SYCP1: variants seen among roughly 807,000 people sequenced by gnomAD.
SYCP1 encodes cancer/testis antigen 8.
A neutral mutation model predicts 153.1 loss-of-function variants in SYCP1; 64 were observed. The observed-to-expected ratio is 0.42, with a 90% CI of 0.34 to 0.51. The LOEUF (loss-of-function observed/expected upper bound fraction) is 0.51, where lower values mean the gene tolerates loss of function less well. Among genes scored for constraint, SYCP1 ranks in the 20% least tolerant of loss-of-function variants. The pLI is 0.06. For missense variants in SYCP1, 997 were observed against 1,049.0 expected, an observed-to-expected ratio of 0.95 and a Z score of 0.68; for synonymous variants, 384 against 341.8, an observed-to-expected ratio of 1.12 and a Z score of -1.36.
Position 114,857,136 on chromosome 1 carries a change from C to CAAAAAAAAAAAAAAAAAAAAA in SYCP1, c.194-95_194-75dup, listed in dbSNP as rs71582509. ...ATAGTGCCAGATGTCCTCTCTCTCT[C>CAAAAAAAAAAAAAAAAAAAAA]AAAAAAAAAAAAAAAAAAAAAGAGA... On this transcript the variant is annotated intron_variant, in intron 3 of 31. Transcript: ENST00000369522. 7.0e-4 allele frequency: 171 copies of CAAAAAAAAAAAAAAAAAAAAA among 245,178 alleles called. 3 individuals are homozygous for CAAAAAAAAAAAAAAAAAAAAA. Among genetic ancestry groups the CAAAAAAAAAAAAAAAAAAAAA allele is most frequent in the African/African-American group, 1.2e-3 (20 of 16,850 alleles). The allele number at this position is 245,178 out of a possible 1,614,324, so 15.2% of individuals were successfully genotyped here. A position where few individuals can be genotyped will look rare whatever the true frequency, so the allele number is the denominator to read the frequency against.
intron 29 of SYCP1, among the ~76,000 whole-genome samples, chr1:114,983,351 C>T (rs999151435): frequency 6.6e-6 from 1 of 151,952 alleles, no homozygotes; most frequent in Admixed American, 6.6e-5. Flanking sequence ...TTCATCACTG[C>T]TTCACGTTGC....
At position 114,881,653 on chromosome 1, in the gene SYCP1, C is replaced by T. The variant is rs141152320; in HGVS notation, c.910+3451C>T. On this transcript the variant is annotated intron_variant, in intron 12 of 31. Coordinates refer to ENST00000369522, the MANE Select transcript of SYCP1 (RefSeq NM_003176.4). ...GAGTAGCTGGGATACAGGCAGATGC[C>T]ACCACACCTGGCTAATTTTAACATT... Among the ~76,000 whole-genome samples the T allele has an allele frequency of 2.5e-3, 387 of 152,122 alleles. 2 individuals carry two copies. The highest frequency in any genetic ancestry group is 9.0e-3 in the African/African-American group (375 of 41,478).
chr1:114,926,865 G>A (rs1283402202), intron 23 of SYCP1, among the ~76,000 whole-genome samples: 3 of 152,056 alleles, frequency 2.0e-5, no homozygotes, highest in Non-Finnish European at 4.4e-5. Context: ...ATTAAAAAGT[G>A]AAATTGAGTA....
Position 114,856,562 on chromosome 1 carries a change from T to C in SYCP1, c.109-11T>C, listed in dbSNP as rs767683170. Reference sequence around the variant, plus strand: ...GAAACAGAATATTTAAGAACTTCTTTGTGTCTCTAGAGTTTCAACAAATGT... The same window carrying C: ...GAAACAGAATATTTAAGAACTTCTTCGTGTCTCTAGAGTTTCAACAAATGT... On this transcript the variant is annotated splice_polypyrimidine_tract_variant and intron_variant, in intron 2 of 31. Transcript: ENST00000369522. The C allele has an allele frequency of 4.4e-6, 7 of 1,599,196 alleles. No individual in the cohort carries two copies. In the East Asian group the frequency reaches 1.1e-4, roughly 26 times the overall value.
intron 8 of SYCP1, among the ~76,000 whole-genome samples, chr1:114,872,245 G>A (rs966109670): frequency 6.6e-6 from 1 of 151,868 alleles, no homozygotes; most frequent in Admixed American, 6.6e-5. Context: ...AGGTCTGCTG[G>A]CAACACATTC....
chr1:114,928,420 C>A (rs1669398103), intron 23 of SYCP1, among the ~76,000 whole-genome samples: 1 of 152,032 alleles, frequency 6.6e-6, no homozygotes, highest in Non-Finnish European at 1.5e-5. Flanking sequence ...ACCATCAACC[C>A]AGAATTCTGT....
chr1:114,994,948 G>A lies in SYCP1; in HGVS notation c.2860G>A (p.Asp954Asn), dbSNP rs747292426. 3.1e-6 allele frequency: 5 copies of A among 1,609,002 alleles called. No homozygotes were observed. In the East Asian group the frequency reaches 8.9e-5, roughly 29 times the overall value. ...TGGAGCTATAAGAAAAATGCGGGAG[G>A]ACCGTTGGGCTGTAATTGCTAAAAT... ...KFGAIRKMRE[D>N]RWAVIAKMDR... The change falls in exon 32 of 32, where the codon GAC (aspartate) becomes AAC (asparagine). Residue 954 changes from aspartate (D) to asparagine (N), a missense_variant. Asp to Asn is a conservative substitution (Grantham distance 23). This residue lies in a region of SYCP1 where 712 missense variants were observed against 682.9 expected (regional missense o/e 1.04). Transcript: ENST00000369522.
intron 27 of SYCP1, among the ~76,000 whole-genome samples, chr1:114,954,511 A>G (rs1671309649): frequency 6.6e-6 from 1 of 150,778 alleles, no homozygotes; most frequent in African/African-American, 2.4e-5. Context: ...ATAATAATTA[A>G]TTATATTTTA....
chr1:114,985,447 G>A (rs1010089631), intron 30 of SYCP1, among the ~76,000 whole-genome samples: 1 of 151,842 alleles, frequency 6.6e-6, no homozygotes, highest in Non-Finnish European at 1.5e-5. Context: ...CATAATAATG[G>A]TTTATTGAGA....
intron 3 of SYCP1, 96 bp from the exon 4 acceptor site, chr1:114,857,136 C>CAA (rs71582509): frequency 0.056 from 13,540 of 241,122 alleles, 88 homozygotes; most frequent in East Asian, 0.064. Flanking sequence ...CTCTCTCTCT[C>CAA]AAAAAAAAAA....
intron 12 of SYCP1, 32 bp from the exon 13 acceptor site, chr1:114,885,503 A>C: frequency 1.6e-6 from 2 of 1,258,028 alleles, no homozygotes; most frequent in Non-Finnish European, 2.3e-6. Flanking sequence ...ATCTTCTGCT[A>C]AGTACTATCT....
chr1:114,936,133 C>T (rs1299577904), intron 23 of SYCP1, among the ~76,000 whole-genome samples: 1 of 152,154 alleles, frequency 6.6e-6, no homozygotes, highest in Non-Finnish European at 1.5e-5. Context: ...CCCTGATGAA[C>T]ATTGACGCAA....
intron 20 of SYCP1, among the ~76,000 whole-genome samples, chr1:114,916,079 T>G (rs1416449986): frequency 6.6e-6 from 1 of 152,198 alleles, no homozygotes; most frequent in Non-Finnish European, 1.5e-5. Flanking sequence ...GTGTACCCAC[T>G]CTATATTTTA....
Position 114,982,678 on chromosome 1 carries a change from T to C in SYCP1, c.2559+1166T>C, listed in dbSNP as rs11102857. On this transcript the variant is annotated intron_variant, in intron 29 of 31. Transcript: ENST00000369522. The stretch of plus-strand genomic sequence containing the variant: ...GCTCTTTGAACATATTTAAAATAGC[T>C]GACTTTAAATCTTTGTCTAGTTAAG... 6.1e-3 allele frequency among the ~76,000 whole-genome samples: 931 copies of C among 152,108 alleles called. 12 individuals carry two copies. The highest frequency in any genetic ancestry group is 0.021 in the African/African-American group (874 of 41,548).
chr1:114,936,724 T>C (rs1457600398), intron 23 of SYCP1, among the ~76,000 whole-genome samples: 1 of 152,176 alleles, frequency 6.6e-6, no homozygotes, highest in African/African-American at 2.4e-5. Flanking sequence ...ACAAAATCAA[T>C]GTGCAAAAAT....
intron 12 of SYCP1, among the ~76,000 whole-genome samples, chr1:114,878,819 G>A (rs1482154166): frequency 3.3e-5 from 5 of 152,272 alleles, no homozygotes; most frequent in Admixed American, 6.5e-5. Context: ...CTGGGATTAC[G>A]GGCGTGAGCC....
chr1:114,890,270 T>C (rs1666610123), intron 15 of SYCP1, among the ~76,000 whole-genome samples: 3 of 152,032 alleles, frequency 2.0e-5, no homozygotes, highest in Middle Eastern at 3.4e-3. Context: ...AAATTTCCTT[T>C]AGGAAAAGGG....
At chr1:114,904,585 A>G (rs2101642260) in intron 16 of SYCP1, among the ~76,000 whole-genome samples, 1 of 152,314 alleles carries the variant, frequency 6.6e-6, no homozygotes, top group African/African-American at 2.4e-5. Flanking sequence ...ATAATGATTT[A>G]TTTCATTAGC....
rs560034796 is a variant in SYCP1 at position 114,963,744 on chromosome 1, G to C, written c.2323-13813G>C. Reference sequence around the variant, plus strand: ...CTGCATAGTATTTCATGGTGTATATGTGCCACATTTTCTTTATCCAGTCTA... The same window carrying C: ...CTGCATAGTATTTCATGGTGTATATCTGCCACATTTTCTTTATCCAGTCTA... On this transcript the variant is annotated intron_variant, in intron 27 of 31. Transcript: ENST00000369522. 7.2e-5 allele frequency among the ~76,000 whole-genome samples: 11 copies of C among 152,286 alleles called. No homozygotes were observed. The East Asian group carries it at 1.9e-3, about 27-fold the overall frequency.
Sources: gnomAD v4.1 joint callset for allele counts (sites outside exome capture counted in the v4.1 genomes callset) on GRCh38, gnomAD v4.1.1 for gene constraint, gnomAD v4.1.1 regional missense constraint, MANE v1.5 for transcripts, NCBI Gene and HGNC (gene_info 2026-07-23, HGNC 2026-07-21) for gene names.